The following UBE2G1 variants were observed in gnomAD, a reference collection of about 807,000 sequenced individuals.
The protein encoded by UBE2G1 is ubiquitin conjugating enzyme E2 G1.
A neutral mutation model predicts 22.7 loss-of-function variants in UBE2G1; 5 were observed. The observed-to-expected ratio is 0.22, with a 90% CI of 0.12 to 0.46. The LOEUF is 0.46. Among genes scored for constraint, UBE2G1 ranks in the 20% least tolerant of loss-of-function variants. UBE2G1 has a pLI of 0.99. For missense variants in UBE2G1, 88 were observed against 203.9 expected (o/e 0.43, Z 3.46); for synonymous variants, 74 against 67.5 (o/e 1.10, Z -0.47).
At chr17:4,282,755 T>C in intron 5 of UBE2G1, 43 bp downstream of exon 5, 2 of 1,309,112 alleles carry the variant, frequency 1.5e-6, no homozygotes, top group East Asian at 4.8e-5. Context: ...ACTAATAGGA[T>C]ACTTACAAAA....
Position 4,366,258 on chromosome 17 carries a change from C to A in UBE2G1, c.46+13G>T. ...CGCGGCCGGGCCCGGCGCCCCGCCGCCCGCCTGCTCACCTGCCAGCTGTCT... is the reference window on the plus strand; with the variant it reads ...CGCGGCCGGGCCCGGCGCCCCGCCGACCGCCTGCTCACCTGCCAGCTGTCT... On this transcript the variant is annotated intron_variant, in intron 1 of 5. Transcript: ENST00000396981. The A allele has an allele frequency of 6.5e-7, 1 of 1,543,384 alleles. No individual in the cohort carries two copies. Among genetic ancestry groups the A allele is most frequent in the Non-Finnish European group, 8.7e-7 (1 of 1,155,136 alleles).
intron 1 of UBE2G1, among the ~76,000 whole-genome samples, chr17:4,314,401 A>T (rs1009518954): frequency 2.6e-5 from 4 of 152,234 alleles, no homozygotes; most frequent in Admixed American, 2.6e-4. Flanking sequence ...GAAATATGCA[A>T]GTTTAAATCC....
intron 1 of UBE2G1, among the ~76,000 whole-genome samples, chr17:4,312,955 G>C (rs1217875424): frequency 6.6e-6 from 1 of 152,140 alleles, no homozygotes; most frequent in East Asian, 1.9e-4. Context: ...AAAAACCCAA[G>C]TGGAAATTTT....
Position 4,307,117 on chromosome 17 carries a change from T to C in UBE2G1, c.53A>G (p.Asn18Ser). The C allele has an allele frequency of 6.2e-7, 1 of 1,613,860 alleles. No homozygotes were observed. The highest frequency in any genetic ancestry group is 8.5e-7 in the Non-Finnish European group (1 of 1,179,810). ...AGAAAAGCCTTCCACTGGATTTTTG[T>C]TGAGTTCTGTGGAAAAAGAAAAGTT... ...LLLRRQLAELNKNPVEGFSAG... is the reference protein window; with the variant it reads ...LLLRRQLAELSKNPVEGFSAG... The change falls in exon 2 of 6, where the codon AAC becomes AGC. Residue 18 changes from asparagine (N) to serine (S), a missense_variant. Around this residue, in one of 2 missense-constraint regions of UBE2G1, gnomAD observed 50 missense variants for 71.0 expected, o/e 0.70. Transcript: ENST00000396981.
At chr17:4,349,809 C>T (rs1472102928) in intron 1 of UBE2G1, among the ~76,000 whole-genome samples, 2 of 150,852 alleles carry the variant, frequency 1.3e-5, no homozygotes, top group African/African-American at 2.5e-5. Context: ...CGCCACTACA[C>T]TCCAGTCTCG....
chr17:4,354,807 C>T (rs773029561), intron 1 of UBE2G1, among the ~76,000 whole-genome samples: 25 of 151,488 alleles, frequency 1.7e-4, no homozygotes, highest in Non-Finnish European at 3.1e-4. Flanking sequence ...CATGGTGGCG[C>T]GTGCCTGTAG....
chr17:4,321,901 T>C (rs990779464), intron 1 of UBE2G1, among the ~76,000 whole-genome samples: 4 of 152,242 alleles, frequency 2.6e-5, no homozygotes, highest in African/African-American at 7.2e-5. Context: ...AAGTTTATTA[T>C]AATTAAAGCA....
intron 2 of UBE2G1, among the ~76,000 whole-genome samples, chr17:4,297,707 G>A (rs1022245703): frequency 1.3e-5 from 2 of 151,886 alleles, no homozygotes; most frequent in African/African-American, 2.4e-5. Flanking sequence ...ATTATCATTC[G>A]GTACTCAGCT....
chr17:4,284,809 T>C (rs982699171), intron 4 of UBE2G1, among the ~76,000 whole-genome samples: 1 of 125,560 alleles, frequency 8.0e-6, no homozygotes, highest in Non-Finnish European at 1.6e-5. Context: ...TGTCATTTCT[T>C]TTTCTTTTTC....
chr17:4,341,588 C>T (rs1003804534), intron 1 of UBE2G1, among the ~76,000 whole-genome samples: 16 of 152,174 alleles, frequency 1.1e-4, no homozygotes, highest in African/African-American at 3.9e-4. Flanking sequence ...TACACACACA[C>T]GCATGCAGAC....
At chr17:4,314,675 C>G (rs1348469326) in intron 1 of UBE2G1, among the ~76,000 whole-genome samples, 1 of 152,062 alleles carries the variant, frequency 6.6e-6, no homozygotes, top group East Asian at 1.9e-4. Context: ...ATCATTTAAT[C>G]CAGGCATTTT....
At chr17:4,289,012 C>T (rs1969002892) in intron 4 of UBE2G1, among the ~76,000 whole-genome samples, 1 of 151,544 alleles carries the variant, frequency 6.6e-6, no homozygotes, top group Non-Finnish European at 1.5e-5. Flanking sequence ...TGCACTCCAG[C>T]CTAGGTGACA....
intron 1 of UBE2G1, among the ~76,000 whole-genome samples, chr17:4,334,577 C>T (rs565857670): frequency 9.9e-5 from 15 of 152,064 alleles, no homozygotes; most frequent in African/African-American, 3.4e-4. Context: ...GAGTCTCTGT[C>T]GCCCAAGCTG....
intron 1 of UBE2G1, among the ~76,000 whole-genome samples, chr17:4,328,383 G>T (rs1310322223): frequency 1.3e-5 from 2 of 152,220 alleles, no homozygotes; most frequent in South Asian, 4.1e-4. Flanking sequence ...CTTTACTACC[G>T]TATGCATACA....
At position 4,305,097 on chromosome 17, in the gene UBE2G1, C is replaced by A. The variant is rs946519576; in HGVS notation, c.149+1924G>T. On this transcript the variant is annotated intron_variant, in intron 2 of 5. Transcript: ENST00000396981. ...CCTCCCGAGTAGCTGGGATTACAGG[C>A]ATATGCCACCTCACCTGGCTAAATT... Among the ~76,000 whole-genome samples the A allele has an allele frequency of 5.3e-5, 8 of 152,054 alleles. No individual in the cohort carries two copies. The South Asian group carries it at 1.2e-3, about 24-fold the overall frequency.
intron 4 of UBE2G1, among the ~76,000 whole-genome samples, chr17:4,289,004 C>T (rs1196014736): frequency 1.3e-5 from 2 of 151,798 alleles, no homozygotes; most frequent in South Asian, 4.2e-4. Flanking sequence ...TGTGCCACTG[C>T]ACTCCAGCCT....
At chr17:4,366,205 G>C in intron 1 of UBE2G1, 66 bp downstream of exon 1, 1 of 1,468,314 alleles carries the variant, frequency 6.8e-7, no homozygotes, top group South Asian at 1.3e-5. Context: ...GGGAGGAGAA[G>C]AGGGACTGGG....
At chr17:4,296,661 C>T in intron 3 of UBE2G1, 56 bp downstream of exon 3, 1 of 1,503,706 alleles carries the variant, frequency 6.7e-7, no homozygotes, top group Non-Finnish European at 9.2e-7. Context: ...ACCTTGAACA[C>T]TTCAATAACA....
At chr17:4,272,977 A>C (rs1968778300) in intron 5 of UBE2G1, among the ~76,000 whole-genome samples, 1 of 152,226 alleles carries the variant, frequency 6.6e-6, no homozygotes, top group Non-Finnish European at 1.5e-5. Flanking sequence ...GAAACAACTT[A>C]AGATTGCCAC....
Sources: allele counts gnomAD v4.1 joint callset (sites outside exome capture counted in the v4.1 genomes callset), GRCh38; gene constraint gnomAD v4.1.1; regional missense constraint gnomAD v4.1.1; transcripts MANE v1.5; gene names NCBI Gene and HGNC (gene_info 2026-07-23, HGNC 2026-07-21).